NFIA: variants seen among roughly 807,000 people sequenced by gnomAD.
The protein encoded by NFIA is nuclear factor 1 A-type.
In NFIA, 8 loss-of-function variants were observed where a neutral mutation model predicts 62.8. That is an observed-to-expected ratio of 0.13 (90% CI 0.07 to 0.23). NFIA has a LOEUF of 0.23. Ranked by LOEUF, NFIA falls within the 10% of genes least tolerant of loss-of-function variation. The pLI, the probability that NFIA is intolerant of heterozygous loss-of-function variation, is 1.00. For missense variants in NFIA, 410 were observed against 642.1 expected (o/e 0.64, Z 3.91); for synonymous variants, 235 against 238.1 (o/e 0.99, Z 0.12).
At chr1:61,138,661 A>G (rs1024918645) in intron 2 of NFIA, among the ~76,000 whole-genome samples, 6 of 151,316 alleles carry the variant, frequency 4.0e-5, no homozygotes, top group Non-Finnish European at 7.4e-5. Context: ...GCTCACTGCA[A>G]CCTCCGCTTC....
chr1:61,320,911 C>T lies in NFIA; in HGVS notation c.626-11601C>T, dbSNP rs79349093. ...AGGGAATACATTTCCCTGTTTTTTC[C>T]CTAGTATATGTAAAAGTTCATAAGC... On this transcript the variant is annotated intron_variant, in intron 3 of 10. Coordinates refer to ENST00000403491, the MANE Select transcript of NFIA (RefSeq NM_001134673.4). Among the ~76,000 whole-genome samples, 636 of 152,080 alleles carry T rather than the reference C, an allele frequency of 4.2e-3. 5 individuals carry two copies. The highest frequency in any genetic ancestry group is 0.015 in the African/African-American group (615 of 41,490).
At chr1:61,395,374 C>G (rs1428048481) in intron 7 of NFIA, among the ~76,000 whole-genome samples, 2 of 150,470 alleles carry the variant, frequency 1.3e-5, no homozygotes, top group South Asian at 2.1e-4. Context: ...CTGCATGGAT[C>G]TTGTTTTTTG....
intron 10 of NFIA, among the ~76,000 whole-genome samples, chr1:61,434,729 C>A (rs1667253505): frequency 6.6e-6 from 1 of 152,090 alleles, no homozygotes; most frequent in African/African-American, 2.4e-5. Flanking sequence ...ATCTGGCACA[C>A]AATAGGTGCT....
At chr1:61,449,522 T>A (rs770152412) in intron 10 of NFIA, among the ~76,000 whole-genome samples, 6 of 152,158 alleles carry the variant, frequency 3.9e-5, no homozygotes, top group Non-Finnish European at 5.9e-5. Flanking sequence ...CATCTAATCT[T>A]AGAACCCAAG....
rs1043118465 is a variant in NFIA, at chr1:61,200,744, A to G, written c.560-76776A>G. Among the ~76,000 whole-genome samples, 3 of 152,236 alleles carry G rather than the reference A, an allele frequency of 2.0e-5. No homozygotes were observed. The South Asian group carries it at 6.2e-4, about 32-fold the overall frequency. On this transcript the variant is annotated intron_variant, in intron 2 of 10. Transcript: ENST00000403491. Reference sequence around the variant, plus strand: ...ATTAAATGTGTATTCATCCCCAAGTAATGACAGAAAAGATGAAGAAAACCT... The same window carrying G: ...ATTAAATGTGTATTCATCCCCAAGTGATGACAGAAAAGATGAAGAAAACCT...
chr1:61,371,393 CT>C (rs963467123), intron 6 of NFIA, among the ~76,000 whole-genome samples: 3 of 151,632 alleles, frequency 2.0e-5, no homozygotes, highest in African/African-American at 7.3e-5. Context: ...AGCAATTTTT[CT>C]TTTTTTGATG....
At chr1:61,127,293 T>C (rs1182696327) in intron 2 of NFIA, among the ~76,000 whole-genome samples, 1 of 151,384 alleles carries the variant, frequency 6.6e-6, no homozygotes, top group Non-Finnish European at 1.5e-5. Context: ...CCATCTCTAC[T>C]AAAAATACAA....
chr1:61,398,858 T>A (rs1226066113), intron 7 of NFIA, among the ~76,000 whole-genome samples: 2 of 152,196 alleles, frequency 1.3e-5, no homozygotes, highest in African/African-American at 2.4e-5. Context: ...TTTCTCAGCT[T>A]TAGGTGGGGT....
chr1:61,125,438 T>C (rs1388778279), intron 2 of NFIA, among the ~76,000 whole-genome samples: 1 of 152,226 alleles, frequency 6.6e-6, no homozygotes, highest in Non-Finnish European at 1.5e-5. Context: ...GATTAAAATA[T>C]GCTGATAAAA....
intron 2 of NFIA, among the ~76,000 whole-genome samples, chr1:61,266,370 T>C (rs1309698455): frequency 6.6e-6 from 1 of 150,980 alleles, no homozygotes; most frequent in East Asian, 1.9e-4. Flanking sequence ...TCTTTCTTTA[T>C]TTTTTATTTT....
At chr1:61,351,316 A>G (rs569681063) in intron 4 of NFIA, among the ~76,000 whole-genome samples, 2 of 152,300 alleles carry the variant, frequency 1.3e-5, no homozygotes, top group Admixed American at 6.5e-5. Context: ...TTCCTCACTC[A>G]TCATAGTTCT....
intron 3 of NFIA, among the ~76,000 whole-genome samples, chr1:61,283,117 G>T (rs1219141808): frequency 6.6e-6 from 1 of 152,138 alleles, no homozygotes; most frequent in African/African-American, 2.4e-5. Flanking sequence ...TTCACATCCT[G>T]AATTGTTAAA....
intron 2 of NFIA, among the ~76,000 whole-genome samples, chr1:61,256,315 A>G (rs1167054947): frequency 6.6e-6 from 1 of 151,872 alleles, no homozygotes; most frequent in Non-Finnish European, 1.5e-5. Flanking sequence ...GCGTGCCTGT[A>G]ATCCCAGCTA....
intron 2 of NFIA, among the ~76,000 whole-genome samples, chr1:61,165,001 A>G (rs914628120): frequency 3.9e-5 from 6 of 152,068 alleles, no homozygotes; most frequent in African/African-American, 1.2e-4. Flanking sequence ...CCAGTGCTTT[A>G]TTTTTTTGTT....
intron 2 of NFIA, among the ~76,000 whole-genome samples, chr1:61,184,145 C>CA (rs367690800): frequency 0.06 from 8,616 of 142,422 alleles, 454 homozygotes; most frequent in East Asian, 0.19. Flanking sequence ...AAAAAAAACC[C>CA]AAAAAAACAA....
chr1:61,421,807 C>T (rs776803582), intron 9 of NFIA, among the ~76,000 whole-genome samples: 1 of 152,194 alleles, frequency 6.6e-6, no homozygotes, highest in Non-Finnish European at 1.5e-5. Flanking sequence ...GCTAAATTTT[C>T]TCCCTTTTCT....
intron 3 of NFIA, among the ~76,000 whole-genome samples, chr1:61,305,782 C>G (rs1659738468): frequency 6.6e-6 from 1 of 151,760 alleles, no homozygotes; most frequent in Non-Finnish European, 1.5e-5. Context: ...GGCCAGAATC[C>G]AGACCTGGAG....
chr1:61,442,251 A>G (rs1667619044), intron 10 of NFIA, among the ~76,000 whole-genome samples: 1 of 151,870 alleles, frequency 6.6e-6, no homozygotes, highest in Admixed American at 6.6e-5. Context: ...TTCATCCCAC[A>G]CCTTCCACAT....
chr1:61,235,596 A>T (rs1297790321), intron 2 of NFIA, among the ~76,000 whole-genome samples: 1 of 151,352 alleles, frequency 6.6e-6, no homozygotes, highest in African/African-American at 2.4e-5. Context: ...TGGGAGAATC[A>T]CTTGAGCCCA....
Sources: gnomAD v4.1 joint callset for allele counts (sites outside exome capture counted in the v4.1 genomes callset) on GRCh38, gnomAD v4.1.1 for gene constraint, MANE v1.5 for transcripts, NCBI Gene and HGNC (gene_info 2026-07-23, HGNC 2026-07-21) for gene names.